Variants in SULT2B1 observed in about 807,000 individuals in gnomAD.
SULT2B1 encodes the protein sulfotransferase 2B1.
Under a neutral mutation model 33.2 loss-of-function variants are expected in SULT2B1, and 16 were observed. That is an observed-to-expected ratio of 0.48 (90% confidence interval 0.33 to 0.73). The LOEUF is 0.73. Among genes scored for constraint, SULT2B1 ranks in the 30% least tolerant of loss-of-function variants. SULT2B1 has a pLI of 0.02. For missense variants in SULT2B1, 500 were observed against 506.0 expected, an observed-to-expected ratio of 0.99 and a Z score of 0.11; for synonymous variants, 186 against 200.5, an observed-to-expected ratio of 0.93 and a Z score of 0.61.
At chr19:48,555,808 T>C (rs1443089218) in intron 1 of SULT2B1, among the ~76,000 whole-genome samples, 3 of 151,694 alleles carry the variant, frequency 2.0e-5, no homozygotes, top group Non-Finnish European at 4.4e-5. Flanking sequence ...GATGCGAACT[T>C]GGCTCATTGC....
intron 4 of SULT2B1, among the ~76,000 whole-genome samples, chr19:48,592,259 T>G (rs568667693): frequency 1.3e-5 from 2 of 151,770 alleles, no homozygotes; most frequent in African/African-American, 2.4e-5. Context: ...GCCACTGCAC[T>G]CCAGCCTGGG....
chr19:48,596,809 C>T lies in SULT2B1; in HGVS notation c.716C>T (p.Ser239Phe), dbSNP rs1407815723. The change falls in exon 6 of 7, where the codon TCC (serine) becomes TTC (phenylalanine). Residue 239 changes from serine (S) to phenylalanine (F), a missense_variant. Coordinates refer to ENST00000201586, the MANE Select transcript of SULT2B1 (RefSeq NM_177973.2). ...CCGCTGGGCAAGGAGGCACTGGGCT[C>T]CGTCGTGGCACACTCAACCTTCAGC... ...GRPLGKEALGSVVAHSTFSAM... is the reference protein window; with the variant it reads ...GRPLGKEALGFVVAHSTFSAM... 6.2e-7 allele frequency: 1 copy of T among 1,609,890 alleles called. No homozygotes were observed. The highest frequency in any genetic ancestry group is 2.2e-5 in the East Asian group (1 of 44,852).
chr19:48,569,361 A>AAATATAT (rs1568405757), intron 1 of SULT2B1, among the ~76,000 whole-genome samples: 5 of 9,968 alleles, frequency 5.0e-4, no homozygotes, highest in African/African-American at 2.4e-3. Context: ...AAAAAAAAAA[A>AAATATAT]ACATATATAT....
At chr19:48,598,791 G>A (rs1037155502) in intron 6 of SULT2B1, among the ~76,000 whole-genome samples, 1 of 152,066 alleles carries the variant, frequency 6.6e-6, no homozygotes, top group Non-Finnish European at 1.5e-5. Context: ...GGGACTGGTC[G>A]CAGAGGAGGT....
chr19:48,587,272 AG>A lies in SULT2B1; in HGVS notation c.262del (p.Asp88IlefsTer35). 6.2e-7 allele frequency: 1 copy of A among 1,613,952 alleles called. No homozygotes were observed. The highest frequency in any genetic ancestry group is 1.1e-5 in the South Asian group (1 of 91,072). ...AGATCATCTGCTTAATCCTGAAGGA[AG>A]GGGATCCATCCTGGATCCGCTCCGT... The part of the protein sequence containing the change: ...IEIICLILKE[G>X]DPSWIRSVPI... On this transcript the variant is annotated frameshift_variant, in exon 3 of 7. Coordinates refer to ENST00000201586, the MANE Select transcript of SULT2B1 (RefSeq NM_177973.2). LOFTEE classifies it high-confidence loss of function.
At chr19:48,579,442 C>T (rs141715032) in intron 2 of SULT2B1, among the ~76,000 whole-genome samples, 3,109 of 151,898 alleles carry the variant, frequency 0.02, 117 homozygotes, top group African/African-American at 0.072. Flanking sequence ...ACCACCATAC[C>T]CAGCTAATTT....
intron 1 of SULT2B1, among the ~76,000 whole-genome samples, chr19:48,571,001 G>A (rs1191249584): frequency 1.3e-5 from 2 of 151,586 alleles, no homozygotes; most frequent in African/African-American, 4.8e-5. Flanking sequence ...TGGGATTATA[G>A]GCATGAGCCA....
chr19:48,552,520 G>A lies in SULT2B1; in HGVS notation c.71+197G>A, dbSNP rs796885872. Among the ~76,000 whole-genome samples the A allele has an allele frequency of 7.2e-5, 11 of 152,272 alleles. No homozygotes were observed. Among genetic ancestry groups the A allele is most frequent in the African/African-American group, 2.6e-4 (11 of 41,554 alleles). ...CCTCCTGAGAAGGGAGTGAGGACCC[G>A]ACCGTGTTGAGTCACCAGTGGGGAT... On this transcript the variant is annotated intron_variant, in intron 1 of 6. Coordinates refer to ENST00000201586, the MANE Select transcript of SULT2B1 (RefSeq NM_177973.2). The surrounding 1 kb of genome is among the most constrained non-coding windows in gnomAD (Gnocchi z 4.8).
intron 1 of SULT2B1, among the ~76,000 whole-genome samples, chr19:48,569,823 C>T (rs908354493): frequency 4.0e-5 from 6 of 151,588 alleles, no homozygotes; most frequent in African/African-American, 4.8e-5. Context: ...TGCGCCACCA[C>T]GCCTGGCTAA....
intron 6 of SULT2B1, among the ~76,000 whole-genome samples, chr19:48,597,654 C>CTTTTTTCTTT (rs372246428): frequency 8.1e-6 from 1 of 124,220 alleles, no homozygotes; most frequent in Non-Finnish European, 1.6e-5. Flanking sequence ...TTTCTTTTTT[C>CTTTTTTCTTT]TTTTTTGAGA....
intron 5 of SULT2B1, 144 bp downstream of exon 5, chr19:48,592,960 G>C: frequency 1.4e-6 from 1 of 699,068 alleles, no homozygotes. Flanking sequence ...GAACAGAACA[G>C]AGGCCCTGAG....
intron 2 of SULT2B1, among the ~76,000 whole-genome samples, chr19:48,581,097 C>A (rs1470365746): frequency 8.6e-6 from 1 of 116,958 alleles, no homozygotes; most frequent in African/African-American, 3.3e-5. Context: ...AGTGCAATGG[C>A]GCGATCTCAG....
At position 48,552,380 on chromosome 19, in the gene SULT2B1, G is replaced by T; in HGVS notation, c.71+57G>T. 2 of 1,582,358 alleles carry T rather than the reference G, an allele frequency of 1.3e-6. No individual in the cohort carries two copies. The highest frequency in any genetic ancestry group is 1.7e-6 in the Non-Finnish European group (2 of 1,159,598). On this transcript the variant is annotated intron_variant, in intron 1 of 6. Coordinates refer to ENST00000201586, the MANE Select transcript of SULT2B1 (RefSeq NM_177973.2). The surrounding 1 kb of genome is among the most constrained non-coding windows in gnomAD (Gnocchi z 4.8). ...ATCCCAGGGAGGAGGTGGCTGTTTG[G>T]GGGAGCCGGGGACTGTGGCAAGGGT...
At chr19:48,592,517 C>T (rs142928586) in intron 4 of SULT2B1, among the ~76,000 whole-genome samples, 1 of 152,186 alleles carries the variant, frequency 6.6e-6, no homozygotes, top group East Asian at 1.9e-4. Flanking sequence ...TAGACAAAGG[C>T]CCCCCAAGAT....
At chr19:48,556,986 C>G (rs1973107475) in intron 1 of SULT2B1, among the ~76,000 whole-genome samples, 1 of 150,892 alleles carries the variant, frequency 6.6e-6, no homozygotes, top group Non-Finnish European at 1.5e-5. Flanking sequence ...GGCATGGTGG[C>G]TCCTGTCCAT....
At chr19:48,591,903 A>G (rs1465125471) in intron 4 of SULT2B1, among the ~76,000 whole-genome samples, 168 bp downstream of exon 4, 2 of 151,898 alleles carry the variant, frequency 1.3e-5, no homozygotes, top group South Asian at 2.1e-4. Context: ...ACGGAGGGAG[A>G]GAGGCTGAGA....
chr19:48,598,973 G>A (rs906879196), intron 6 of SULT2B1, among the ~76,000 whole-genome samples, 162 bp from the exon 7 acceptor site: 1 of 152,068 alleles, frequency 6.6e-6, no homozygotes, highest in Non-Finnish European at 1.5e-5. Flanking sequence ...TGCCACCATA[G>A]GACACAAAGG....
At chr19:48,576,354 C>CTTTTCTTTTCTTTTT (rs879507532) in intron 2 of SULT2B1, among the ~76,000 whole-genome samples, 7 of 79,878 alleles carry the variant, frequency 8.8e-5, no homozygotes, top group South Asian at 4.2e-4. Context: ...TTACCCTCTA[C>CTTTTCTTTTCTTTTT]TTCTCTTTTT....
chr19:48,576,355 TTCTC>T (rs1425551564), intron 2 of SULT2B1, among the ~76,000 whole-genome samples: 5 of 65,860 alleles, frequency 7.6e-5, no homozygotes, highest in Admixed American at 4.7e-4. Context: ...TACCCTCTAC[TTCTC>T]TTTTTTTTTT....
Sources: allele counts gnomAD v4.1 joint callset (sites outside exome capture counted in the v4.1 genomes callset), GRCh38; gene constraint gnomAD v4.1.1; non-coding constraint Gnocchi (gnomAD v3.1); transcripts MANE v1.5; gene names NCBI Gene and HGNC (gene_info 2026-07-23, HGNC 2026-07-21).